The following CMSS1 variants were observed in gnomAD, a reference collection of about 807,000 sequenced individuals.
The protein encoded by CMSS1 is protein CMSS1.
CMSS1 carries 33 observed loss-of-function variants against 43.5 expected under a neutral mutation model. The ratio of observed to expected loss-of-function variants is 0.76; its 90% CI spans 0.57 to 1.01. CMSS1 has a LOEUF of 1.01. Among genes scored for constraint, CMSS1 ranks in the 50% least tolerant of loss-of-function variants. The probability of loss-of-function intolerance (pLI) is 0.00; values close to 1 mark genes in which losing one functional copy is unlikely to be tolerated. For synonymous variants in CMSS1, 115 were observed against 117.2 expected (o/e 0.98, Z 0.12); for missense variants, 313 against 326.4 (o/e 0.96, Z 0.32).
At chr3:99,914,888 G>A (rs1025101274) in intron 1 of CMSS1, among the ~76,000 whole-genome samples, 1 of 152,224 alleles carries the variant, frequency 6.6e-6, no homozygotes, top group Non-Finnish European at 1.5e-5. Flanking sequence ...TACTTTCATT[G>A]TGATGTAGAG....
intron 1 of CMSS1, chr3:99,876,119 G>A (rs1705503401): frequency 1.0e-6 from 1 of 986,282 alleles, no homozygotes; most frequent in South Asian, 4.6e-5. Context: ...CGGGGCCGCT[G>A]TAGTGCCGCG....
chr3:100,129,928 C>T (rs2066693003), intron 1 of CMSS1, among the ~76,000 whole-genome samples: 1 of 152,162 alleles, frequency 6.6e-6, no homozygotes, highest in South Asian at 2.1e-4. Flanking sequence ...TTCTTCCTTT[C>T]AGTGTTTATT....
intron 1 of CMSS1, among the ~76,000 whole-genome samples, chr3:99,942,143 A>G (rs1432948076): frequency 6.6e-6 from 1 of 151,842 alleles, no homozygotes; most frequent in Non-Finnish European, 1.5e-5. Context: ...GGAGCTTTGT[A>G]GTGAGCCGAG....
chr3:99,888,765 C>T (rs1037940450), intron 1 of CMSS1, among the ~76,000 whole-genome samples: 56 of 152,204 alleles, frequency 3.7e-4, no homozygotes, highest in African/African-American at 1.3e-3. Context: ...ATTCTATAAC[C>T]ATCTTTGTTG....
At chr3:100,161,211 A>G (rs1335704907) in intron 3 of CMSS1, among the ~76,000 whole-genome samples, 1 of 152,206 alleles carries the variant, frequency 6.6e-6, no homozygotes, top group Non-Finnish European at 1.5e-5. Context: ...ATGGACTCAA[A>G]CCTATTACTT....
chr3:99,883,363 G>A (rs1212787762), intron 1 of CMSS1, among the ~76,000 whole-genome samples: 2 of 152,170 alleles, frequency 1.3e-5, no homozygotes, highest in African/African-American at 4.8e-5. Context: ...TGAAAAGTTT[G>A]TCTTGAGTCT....
At chr3:100,014,887 C>CTTTTTTTTTTTTTTTTTTTTTTTTT (rs1559725867) in intron 1 of CMSS1, among the ~76,000 whole-genome samples, 3 of 32,464 alleles carry the variant, frequency 9.2e-5, no homozygotes, top group Non-Finnish European at 1.7e-4. Flanking sequence ...TTTTTTTTTT[C>CTTTTTTTTTTTTTTTTTTTTTTTTT]TTTCTTTCTT....
At position 99,821,909 on chromosome 3, in the gene CMSS1, G is replaced by T. The variant is rs1942445964; in HGVS notation, c.64+3866G>T. ...AAAAAGACAAAAATTAGCCAGGTGT[G>T]GTAGCAGGCACTTGTAGTCCCAGCT... On this transcript the variant is annotated intron_variant, in intron 1 of 9. Coordinates refer to ENST00000421999, the MANE Select transcript of CMSS1 (RefSeq NM_032359.4). 2.0e-5 allele frequency among the ~76,000 whole-genome samples: 3 copies of T among 152,204 alleles called. No homozygotes were observed. In the South Asian group the frequency reaches 6.2e-4, roughly 32 times the overall value.
chr3:100,080,077 C>T (rs2065907377), intron 1 of CMSS1, among the ~76,000 whole-genome samples: 1 of 152,138 alleles, frequency 6.6e-6, no homozygotes. Flanking sequence ...TCTGCACCCT[C>T]TTTTAACTTT....
At position 99,840,221 on chromosome 3, in the gene CMSS1, CT is replaced by C. The variant is rs10935982; in HGVS notation, c.64+22200del. ...GGTAAAAGAAATTAATTCGTAGAAT[CT>C]TTTTTTTTTTTTTTTTTTTTTGAGA... On this transcript the variant is annotated intron_variant, in intron 1 of 9. Coordinates refer to ENST00000421999, the MANE Select transcript of CMSS1 (RefSeq NM_032359.4). Among the ~76,000 whole-genome samples the C allele has an allele frequency of 4.9e-3, 497 of 102,132 alleles. 2 individuals carry two copies. The highest frequency in any genetic ancestry group is 0.016 in the African/African-American group (427 of 26,048). 67.0% of individuals were successfully genotyped at this position (102,132 alleles called of 152,430 possible). A position where few individuals can be genotyped will look rare whatever the true frequency, so the allele number is the denominator to read the frequency against.
At chr3:100,167,368 A>C (rs1169878967) in intron 5 of CMSS1, among the ~76,000 whole-genome samples, 1 of 152,222 alleles carries the variant, frequency 6.6e-6, no homozygotes, top group African/African-American at 2.4e-5. Context: ...TTTATATCTT[A>C]TGTTGAATGT....
intron 1 of CMSS1, among the ~76,000 whole-genome samples, chr3:99,900,407 T>C (rs554946550): frequency 2.0e-5 from 3 of 152,238 alleles, no homozygotes; most frequent in Non-Finnish European, 4.4e-5. Flanking sequence ...ACAGCAGCCC[T>C]ATAAGGGTTA....
intron 1 of CMSS1, among the ~76,000 whole-genome samples, chr3:99,938,975 C>CT (rs1457155448): frequency 6.6e-6 from 1 of 152,136 alleles, no homozygotes; most frequent in Non-Finnish European, 1.5e-5. Context: ...CCTCCGTTAT[C>CT]TTTTTTCTCC....
At position 100,081,987 on chromosome 3, in the gene CMSS1, T is replaced by C. The variant is rs1345742755; in HGVS notation, c.65-64986T>C. ...TTTTAGAGTAGGAGGTATGGCATATTTAGACTTTAGGCTATCTGAGGAAAA... is the reference window on the plus strand; with the variant it reads ...TTTTAGAGTAGGAGGTATGGCATATCTAGACTTTAGGCTATCTGAGGAAAA... On this transcript the variant is annotated intron_variant, in intron 1 of 9. Transcript: ENST00000421999. Among the ~76,000 whole-genome samples, 3 of 152,306 alleles carry C rather than the reference T, an allele frequency of 2.0e-5. No homozygotes were observed. In the East Asian group the frequency reaches 5.8e-4, roughly 29 times the overall value.
At chr3:100,038,835 G>T (rs1051291931) in intron 1 of CMSS1, among the ~76,000 whole-genome samples, 3 of 152,060 alleles carry the variant, frequency 2.0e-5, no homozygotes, top group Non-Finnish European at 4.4e-5. Flanking sequence ...GGATCTCCCA[G>T]ATGTATTGTT....
chr3:99,879,886 G>A (rs779477268), intron 1 of CMSS1, among the ~76,000 whole-genome samples: 31 of 152,230 alleles, frequency 2.0e-4, no homozygotes, highest in Non-Finnish European at 4.1e-4. Flanking sequence ...GATTGCATAG[G>A]GAGAGGTATA....
chr3:99,848,312 G>C, intron 1 of CMSS1: 1 of 1,614,034 alleles, frequency 6.2e-7, no homozygotes. Context: ...TGTGATTGTC[G>C]AGGAAGAGGT....
At chr3:100,087,647 C>G (rs1203585553) in intron 1 of CMSS1, among the ~76,000 whole-genome samples, 2 of 151,870 alleles carry the variant, frequency 1.3e-5, no homozygotes, top group African/African-American at 4.8e-5. Context: ...AGATATATAA[C>G]TTGCGAGTTT....
chr3:99,889,254 A>G (rs1044250504), intron 1 of CMSS1, among the ~76,000 whole-genome samples: 1 of 152,060 alleles, frequency 6.6e-6, no homozygotes, highest in African/African-American at 2.4e-5. Flanking sequence ...GTTTCTGGCA[A>G]TTCTTGCTTT....
Sources: allele counts gnomAD v4.1 joint callset (sites outside exome capture counted in the v4.1 genomes callset), GRCh38; gene constraint gnomAD v4.1.1; transcripts MANE v1.5; gene names NCBI Gene and HGNC (gene_info 2026-07-23, HGNC 2026-07-21).